COG3: variants seen among roughly 807,000 people sequenced by gnomAD.
COG3 encodes component of oligomeric golgi complex 3.
Under a neutral mutation model 114.1 loss-of-function variants are expected in COG3, and 32 were observed. The ratio of observed to expected loss-of-function variants is 0.28; its 90% confidence interval spans 0.21 to 0.38. The LOEUF is 0.38. COG3 is among the 10% of genes least tolerant of loss of function. The pLI is 1.00. For synonymous variants in COG3, 352 were observed against 365.7 expected (o/e 0.96, Z 0.43); for missense variants, 813 against 973.2 (o/e 0.84, Z 2.19).
At chr13:45,482,581 A>G (rs960129365) in intron 6 of COG3, 108 bp downstream of exon 6, 4 of 545,030 alleles carry the variant, frequency 7.3e-6, no homozygotes, top group Non-Finnish European at 1.3e-5. Context: ...TGTTCCTATT[A>G]TATCACTTCT....
intron 6 of COG3, among the ~76,000 whole-genome samples, chr13:45,483,007 T>A (rs1346692490): frequency 6.6e-6 from 1 of 152,234 alleles, no homozygotes; most frequent in Non-Finnish European, 1.5e-5. Flanking sequence ...TACTAACAAC[T>A]GCAAATATGT....
intron 5 of COG3, 67 bp downstream of exon 5, chr13:45,481,371 C>A (rs1886238966): frequency 1.2e-6 from 1 of 814,818 alleles, no homozygotes; most frequent in South Asian, 1.6e-5. Flanking sequence ...TTCTTCGTGT[C>A]ATCTTTTAAT....
chr13:45,519,038 T>C lies in COG3; in HGVS notation c.2098T>C (p.Phe700Leu), dbSNP rs780046880. Residue 700 changes from phenylalanine (F) to leucine (L), a missense_variant, in exon 19 of 23, where the codon TTT becomes CTT. By Grantham distance (22) the Phe-to-Leu change is conservative (BLOSUM62 0). Transcript: ENST00000349995. ...TCATCTGAAATCGGCCTGTGAGCAGTTTATTCAGCAGCAGACCAAGCTGTT... is the reference window on the plus strand; with the variant it reads ...TCATCTGAAATCGGCCTGTGAGCAGCTTATTCAGCAGCAGACCAAGCTGTT... Reference protein sequence around the residue: ...DRHLKSACEQFIQQQTKLFVE... With the variant: ...DRHLKSACEQLIQQQTKLFVE... 6.2e-7 allele frequency: 1 copy of C among 1,614,150 alleles called. No individual in the cohort carries two copies. Among genetic ancestry groups the C allele is most frequent in the Admixed American group, 1.7e-5 (1 of 60,028 alleles).
chr13:45,473,450 C>T (rs763478162), intron 1 of COG3, among the ~76,000 whole-genome samples: 9 of 152,020 alleles, frequency 5.9e-5, no homozygotes, highest in Non-Finnish European at 4.4e-5. Flanking sequence ...GCCATATCAC[C>T]CCGGCCCCCC....
chr13:45,486,364 G>GGGAGAGGGAGAGGGAGAC lies in COG3; in HGVS notation c.844-126_844-125insGGGAGAGGGAGACGGAGA. The GGGAGAGGGAGAGGGAGAC allele has an allele frequency of 4.6e-6, 3 of 645,732 alleles. No individual in the cohort carries two copies. The East Asian group carries it at 7.9e-5, about 17-fold the overall frequency. The allele number at this position is 645,732 out of a possible 1,614,324, so 40.0% of individuals were successfully genotyped here. On this transcript the variant is annotated intron_variant, in intron 7 of 22. Transcript: ENST00000349995. Reference sequence around the variant, plus strand: ...CGGGAGAGGGAGAGGGAGAGGGAGAGGGAGACTCTCCCTAAGCTTTGATTG... The same window carrying GGGAGAGGGAGAGGGAGAC: ...CGGGAGAGGGAGAGGGAGAGGGAGAGGGAGAGGGAGAGGGAGACGGAGACTCTCCCTAAGCTTTGATTG...
At chr13:45,488,399 A>G (rs574978627) in intron 8 of COG3, among the ~76,000 whole-genome samples, 1 of 152,388 alleles carries the variant, frequency 6.6e-6, no homozygotes, top group South Asian at 2.1e-4. Context: ...ACAAAGAAAT[A>G]ATACATGTTT....
intron 16 of COG3, among the ~76,000 whole-genome samples, chr13:45,512,680 T>C (rs1199839420): frequency 6.6e-6 from 1 of 151,466 alleles, no homozygotes; most frequent in African/African-American, 2.4e-5. Context: ...TAAGCTGGAG[T>C]GCAGTGGTAT....
chr13:45,486,675 T>C, intron 8 of COG3, 100 bp downstream of exon 8: 1 of 753,380 alleles, frequency 1.3e-6, no homozygotes, highest in Non-Finnish European at 2.4e-6. Flanking sequence ...ACCGAGGAAG[T>C]GAACTTGAAT....
At position 45,531,126 on chromosome 13, in the gene COG3, A is replaced by T. The variant is rs577980245; in HGVS notation, c.2457+346A>T. On this transcript the variant is annotated intron_variant, in intron 22 of 22. Coordinates refer to ENST00000349995, the MANE Select transcript of COG3 (RefSeq NM_031431.4). Reference sequence around the variant, plus strand: ...GCATAATAAGAGAAATACATTTTTTAAAAAAATTTTTGATTTTTCTGTAGG... The same window carrying T: ...GCATAATAAGAGAAATACATTTTTTTAAAAAATTTTTGATTTTTCTGTAGG... 144 of 961,462 alleles carry T rather than the reference A, an allele frequency of 1.5e-4. 1 individual carries two copies. Among genetic ancestry groups the T allele is most frequent in the African/African-American group, 1.6e-4 (9 of 56,564 alleles). 59.6% of individuals were successfully genotyped at this position (961,462 alleles called of 1,614,324 possible).
rs968970111 is a variant in COG3 at position 45,509,772 on chromosome 13, C to A, written c.1675C>A (p.Arg559=). The A allele has an allele frequency of 1.2e-6, 2 of 1,613,674 alleles. No homozygotes were observed. The highest frequency in any genetic ancestry group is 1.7e-6 in the Non-Finnish European group (2 of 1,179,736). The change falls in exon 15 of 23, where the codon CGA becomes AGA. Residue 559 remains arginine, a synonymous_variant. Coordinates refer to ENST00000349995, the MANE Select transcript of COG3 (RefSeq NM_031431.4). ...DLHGMWYPTV[R]RTLVCLSKLY... Reference sequence around the variant, plus strand: ...TCATGGAATGTGGTATCCTACGGTTCGAAGAACTCTTGTCTGTCTCTCCAA... The same window carrying A: ...TCATGGAATGTGGTATCCTACGGTTAGAAGAACTCTTGTCTGTCTCTCCAA...
chr13:45,534,756 A>T lies in COG3; in HGVS notation c.*25A>T. On this transcript the variant is annotated 3_prime_UTR_variant, in exon 23 of 23. Coordinates refer to ENST00000349995, the MANE Select transcript of COG3 (RefSeq NM_031431.4). ...AGCAGGCCAGCCGGGCTGTGCACCT[A>T]AATGTCTGTCTGGGAGGAGCAGGCT... 6.4e-7 allele frequency: 1 copy of T among 1,551,702 alleles called. No individual in the cohort carries two copies. The highest frequency in any genetic ancestry group is 8.7e-7 in the Non-Finnish European group (1 of 1,147,820).
chr13:45,525,709 C>A (rs1872615044), intron 20 of COG3, among the ~76,000 whole-genome samples: 2 of 116,144 alleles, frequency 1.7e-5, no homozygotes, highest in South Asian at 3.1e-4. Flanking sequence ...ATTTTTGGTA[C>A]CTCTTGCGGC....
intron 10 of COG3, 150 bp downstream of exon 10, chr13:45,491,688 A>G (rs1887026473): frequency 3.1e-6 from 2 of 643,220 alleles, no homozygotes; most frequent in African/African-American, 3.7e-5. Flanking sequence ...TTTGGTAATT[A>G]GCCTTATTCA....
intron 3 of COG3, among the ~76,000 whole-genome samples, chr13:45,479,733 T>A (rs1298897427): frequency 6.6e-6 from 1 of 152,202 alleles, no homozygotes; most frequent in Non-Finnish European, 1.5e-5. Flanking sequence ...CTTCTAATTC[T>A]AAATCTAGAA....
chr13:45,487,642 A>G (rs1417899517), intron 8 of COG3, among the ~76,000 whole-genome samples: 1 of 152,250 alleles, frequency 6.6e-6, no homozygotes, highest in Non-Finnish European at 1.5e-5. Flanking sequence ...AAAATGTTCA[A>G]CATCACTAAT....
rs759174902 is a variant in COG3, at chr13:45,496,305, T to C, written c.1481T>C (p.Met494Thr). The stretch of plus-strand genomic sequence containing the variant: ...CTGGCATATCCCGATAAGTTAGTCA[T>C]GATGGAGGTAGGATCTCCTTACTTG... Reference protein sequence around the residue: ...GDLAYPDKLVMMEQIAQSLKD... With the variant: ...GDLAYPDKLVTMEQIAQSLKD... The change falls in exon 13 of 23, where the codon ATG (methionine) becomes ACG (threonine). Residue 494 changes from methionine (M) to threonine (T), a missense_variant. Physicochemically the swap from Met to Thr is moderately conservative, Grantham distance 81. Transcript: ENST00000349995. 15 of 1,586,356 alleles carry C rather than the reference T, an allele frequency of 9.5e-6. No individual in the cohort carries two copies. The highest frequency in any genetic ancestry group is 1.2e-5 in the Non-Finnish European group (14 of 1,164,694).
chr13:45,493,602 T>G, intron 12 of COG3, 116 bp downstream of exon 12: 5 of 854,922 alleles, frequency 5.8e-6, no homozygotes, highest in Non-Finnish European at 8.5e-6. Context: ...TTTTTGAAGC[T>G]TGGCTTGATG....
rs932872254 is a variant in COG3, at chr13:45,476,321, G to A, written c.295G>A (p.Glu99Lys). The change falls in exon 2 of 23, where the codon GAA becomes AAA. Residue 99 changes from glutamate (E) to lysine (K), a missense_variant. Coordinates refer to ENST00000349995, the MANE Select transcript of COG3 (RefSeq NM_031431.4). ...LKGFTSLGME[E>K]ERIETAQQFF... Reference sequence around the variant, plus strand: ...GGGCTTCACTTCCTTAGGAATGGAAGAAGAAAGAATTGAAACCGCACAGCA... The same window carrying A: ...GGGCTTCACTTCCTTAGGAATGGAAAAAGAAAGAATTGAAACCGCACAGCA... 2 of 1,613,742 alleles carry A rather than the reference G, an allele frequency of 1.2e-6. No homozygotes were observed. Among genetic ancestry groups the A allele is most frequent in the Non-Finnish European group, 8.5e-7 (1 of 1,179,886 alleles).
At chr13:45,490,669 G>A (rs1239863067) in intron 8 of COG3, among the ~76,000 whole-genome samples, 1 of 151,764 alleles carries the variant, frequency 6.6e-6, no homozygotes, top group East Asian at 1.9e-4. Flanking sequence ...AGATTATAAA[G>A]CAGAATATGT....
Sources: allele counts gnomAD v4.1 joint callset (sites outside exome capture counted in the v4.1 genomes callset), GRCh38; gene constraint gnomAD v4.1.1; transcripts MANE v1.5; gene names NCBI Gene and HGNC (gene_info 2026-07-23, HGNC 2026-07-21).